The following FER variants were observed in gnomAD, a reference collection of about 807,000 sequenced individuals.
FER encodes the protein FER tyrosine kinase.
FER carries 63 observed loss-of-function variants against 111.0 expected under a neutral mutation model. The ratio of observed to expected loss-of-function variants is 0.57; its 90% CI spans 0.46 to 0.70. The LOEUF is 0.70. Among genes scored for constraint, FER ranks in the 30% least tolerant of loss-of-function variants. The pLI is 0.00. For missense variants in FER, 914 were observed against 954.0 expected, an observed-to-expected ratio of 0.96 and a Z score of 0.55; for synonymous variants, 327 against 313.9, an observed-to-expected ratio of 1.04 and a Z score of -0.44.
At chr5:108,959,433 G>T in intron 13 of FER, 86 bp downstream of exon 13, 1 of 1,367,392 alleles carries the variant, frequency 7.3e-7, no homozygotes, top group Non-Finnish European at 9.8e-7. Flanking sequence ...AAATTCTTAG[G>T]TTATATGCTA....
At chr5:108,924,862 C>G in intron 10 of FER, 1 of 1,098,186 alleles carries the variant, frequency 9.1e-7, no homozygotes, top group Non-Finnish European at 1.2e-6. Flanking sequence ...AGCAGGTCAT[C>G]TATTTTATGC....
chr5:109,050,057 C>T (rs1202279678), intron 16 of FER, among the ~76,000 whole-genome samples: 1 of 152,162 alleles, frequency 6.6e-6, no homozygotes, highest in Admixed American at 6.5e-5. Context: ...ATAGTCCACT[C>T]CACTCTAAGC....
At chr5:109,135,800 T>G (rs1752831422) in intron 17 of FER, among the ~76,000 whole-genome samples, 1 of 151,692 alleles carries the variant, frequency 6.6e-6, no homozygotes, top group East Asian at 1.9e-4. Context: ...CTGACACTTC[T>G]CTGTTTCTGG....
chr5:108,884,022 T>G (rs937702942), intron 9 of FER, among the ~76,000 whole-genome samples: 1 of 152,040 alleles, frequency 6.6e-6, no homozygotes, highest in Non-Finnish European at 1.5e-5. Flanking sequence ...CCACAGACTT[T>G]ACTTGTGTTG....
At chr5:108,862,987 G>A (rs1763679503) in intron 5 of FER, among the ~76,000 whole-genome samples, 1 of 152,152 alleles carries the variant, frequency 6.6e-6, no homozygotes, top group African/African-American at 2.4e-5. Flanking sequence ...TATATTGTCA[G>A]GTATGTACCT....
intron 13 of FER, among the ~76,000 whole-genome samples, chr5:108,994,881 G>T (rs1763790478): frequency 6.6e-6 from 1 of 152,166 alleles, no homozygotes; most frequent in Non-Finnish European, 1.5e-5. Flanking sequence ...AATTGTGAAT[G>T]GGACTTCATT....
At chr5:109,020,818 C>G (rs1767822548) in intron 13 of FER, among the ~76,000 whole-genome samples, 1 of 151,940 alleles carries the variant, frequency 6.6e-6, no homozygotes, top group Non-Finnish European at 1.5e-5. Context: ...TGATGAACCT[C>G]TTTTGTTTAT....
At chr5:109,023,448 G>A (rs1768216562) in intron 13 of FER, among the ~76,000 whole-genome samples, 1 of 152,062 alleles carries the variant, frequency 6.6e-6, no homozygotes, top group Non-Finnish European at 1.5e-5. Flanking sequence ...GAACTCAGGG[G>A]AACAATGTGG....
chr5:109,113,971 A>G (rs1749935864), intron 17 of FER, among the ~76,000 whole-genome samples: 1 of 152,170 alleles, frequency 6.6e-6, no homozygotes, highest in Non-Finnish European at 1.5e-5. Context: ...AAAACTATAT[A>G]TAATCAAGGC....
At chr5:108,878,943 A>G (rs1765367772) in intron 8 of FER, among the ~76,000 whole-genome samples, 1 of 152,142 alleles carries the variant, frequency 6.6e-6, no homozygotes, top group Non-Finnish European at 1.5e-5. Context: ...GGGCTCTATT[A>G]TCAGCTTTTC....
At chr5:109,025,284 C>G (rs574165611) in intron 13 of FER, among the ~76,000 whole-genome samples, 38 of 152,200 alleles carry the variant, frequency 2.5e-4, no homozygotes, top group African/African-American at 8.7e-4. Flanking sequence ...TTTGTATCCT[C>G]TTTTATTTCC....
chr5:108,811,937 C>T (rs1028053947), intron 3 of FER, among the ~76,000 whole-genome samples: 2 of 151,652 alleles, frequency 1.3e-5, no homozygotes, highest in African/African-American at 2.4e-5. Flanking sequence ...GGTGGATCTT[C>T]TTTACTCAGT....
chr5:108,915,534 A>G (rs1305714179), intron 10 of FER, among the ~76,000 whole-genome samples: 2 of 152,160 alleles, frequency 1.3e-5, no homozygotes, highest in African/African-American at 2.4e-5. Flanking sequence ...TTGTTTCTTT[A>G]TAATAAGGCA....
At chr5:109,167,070 A>G (rs983806826) in intron 17 of FER, among the ~76,000 whole-genome samples, 16 of 152,140 alleles carry the variant, frequency 1.1e-4, no homozygotes, top group Admixed American at 8.5e-4. Context: ...ATTGCAATTT[A>G]TGGGTTTGCA....
intron 13 of FER, among the ~76,000 whole-genome samples, chr5:108,994,302 G>A (rs1455929999): frequency 6.6e-6 from 1 of 152,166 alleles, no homozygotes; most frequent in African/African-American, 2.4e-5. Flanking sequence ...TATAAGGAAG[G>A]GGTCCAGTTC....
intron 13 of FER, among the ~76,000 whole-genome samples, chr5:109,027,094 A>G (rs1027896293): frequency 1.3e-5 from 2 of 152,140 alleles, no homozygotes; most frequent in African/African-American, 4.8e-5. Flanking sequence ...TAGTGAGATA[A>G]TATTTTTTTT....
intron 13 of FER, among the ~76,000 whole-genome samples, chr5:108,964,540 CTACAGAGGT>C (rs1317723896): frequency 6.6e-6 from 1 of 152,050 alleles, no homozygotes; most frequent in East Asian, 1.9e-4. Context: ...GATTGAAGAA[CTACAGAGGT>C]TAGTATGGCT....
chr5:109,097,049 T>A (rs544062021), intron 16 of FER, among the ~76,000 whole-genome samples: 1 of 150,274 alleles, frequency 6.7e-6, no homozygotes, highest in East Asian at 1.9e-4. Context: ...TTGTGTGTAC[T>A]GTGTGCTAGG....
chr5:109,111,530 T>A (rs1201196137), intron 17 of FER, among the ~76,000 whole-genome samples: 3 of 144,866 alleles, frequency 2.1e-5, no homozygotes, highest in Admixed American at 6.8e-5. Flanking sequence ...ATCAACCTTA[T>A]AATAAAAAAT....
Sources: gnomAD v4.1 joint callset for allele counts (sites outside exome capture counted in the v4.1 genomes callset) on GRCh38, gnomAD v4.1.1 for gene constraint, MANE v1.5 for transcripts, NCBI Gene and HGNC (gene_info 2026-07-23, HGNC 2026-07-21) for gene names.